The following ORC5 variants were observed in gnomAD, a reference collection of about 807,000 sequenced individuals.
ORC5 encodes origin recognition complex subunit 5.
ORC5 carries 39 observed loss-of-function variants against 58.8 expected under a neutral mutation model. That is an observed-to-expected ratio of 0.66 (90% CI 0.51 to 0.87). The LOEUF (loss-of-function observed/expected upper bound fraction) is 0.87. Among genes scored for constraint, ORC5 ranks in the 40% least tolerant of loss-of-function variants. The probability of loss-of-function intolerance (pLI) is 0.00; values close to 1 mark genes in which losing one functional copy is unlikely to be tolerated. For missense variants in ORC5, 493 were observed against 506.3 expected (o/e 0.97, Z 0.25); for synonymous variants, 218 against 177.6 (o/e 1.23, Z -1.81).
intron 13 of ORC5, among the ~76,000 whole-genome samples, chr7:104,131,713 G>A (rs971657049): frequency 3.3e-5 from 5 of 151,966 alleles, no homozygotes; most frequent in South Asian, 4.2e-4. Flanking sequence ...TTATTTGGGC[G>A]TTGTGGCACA....
intron 8 of ORC5, among the ~76,000 whole-genome samples, chr7:104,180,491 G>A (rs12705188): frequency 0.43 from 64,597 of 151,896 alleles, 16,065 homozygotes; most frequent in Non-Finnish European, 0.57. Flanking sequence ...TCATTTCACA[G>A]TGACCTGTGA....
chr7:104,136,801 G>A lies in ORC5; in HGVS notation c.1242C>T (p.Asp414=). ...TTTACCTTGCAATAGCTCTGATGAAGTCTAGAGACACTGTGCATTTGTATT... is the reference window on the plus strand; with the variant it reads ...TTTACCTTGCAATAGCTCTGATGAAATCTAGAGACACTGTGCATTTGTATT... ...GPKYKCTVSL[D]FIRAIARTVN... is the part of the protein sequence containing the mutation. Residue 414 remains aspartate (D), a synonymous_variant, in exon 13 of 14, where the codon GAC becomes GAT. Coordinates refer to ENST00000297431, the MANE Select transcript of ORC5 (RefSeq NM_002553.4). This position sits in a 1 kb window ranked among gnomAD's most constrained non-coding sequence, Gnocchi z 4.2. 1 of 1,611,870 alleles carries A rather than the reference G, an allele frequency of 6.2e-7. No individual in the cohort carries two copies. The highest frequency in any genetic ancestry group is 8.5e-7 in the Non-Finnish European group (1 of 1,177,972).
rs182306139 is a variant in ORC5 at position 104,205,182 on chromosome 7, C to T, written c.73-948G>A. Among the ~76,000 whole-genome samples the T allele has an allele frequency of 4.1e-3, 617 of 149,454 alleles. 26 individuals are homozygous for T. Among genetic ancestry groups the T allele is most frequent in the Admixed American group, 0.04 (602 of 14,930 alleles). ...TCGGCTCACTTCAACCTCTGCCTCC[C>T]GGGTTTAAGCGATTCTCCTGCCTCA... On this transcript the variant is annotated intron_variant, in intron 1 of 13. Coordinates refer to ENST00000297431, the MANE Select transcript of ORC5 (RefSeq NM_002553.4).
At chr7:104,177,820 T>G (rs983819698) in intron 8 of ORC5, among the ~76,000 whole-genome samples, 8 of 152,104 alleles carry the variant, frequency 5.3e-5, no homozygotes, top group African/African-American at 1.9e-4. Context: ...GAACATGCAG[T>G]GTTTGGTTTT....
chr7:104,182,725 G>C (rs890926976), intron 8 of ORC5, among the ~76,000 whole-genome samples: 9 of 152,138 alleles, frequency 5.9e-5, no homozygotes, highest in African/African-American at 2.2e-4. Flanking sequence ...TTATTCAGTA[G>C]GTTCCCTTTA....
chr7:104,149,381 G>A (rs1393669687), intron 12 of ORC5, among the ~76,000 whole-genome samples: 1 of 151,958 alleles, frequency 6.6e-6, no homozygotes, highest in Non-Finnish European at 1.5e-5. Context: ...AGATTTTAGG[G>A]GATTATATAC....
At chr7:104,205,032 T>TA (rs2116118167) in intron 1 of ORC5, among the ~76,000 whole-genome samples, 1 of 151,710 alleles carries the variant, frequency 6.6e-6, no homozygotes, top group South Asian at 2.1e-4. Context: ...TGGAGGAAAT[T>TA]ATAGTCTACA....
chr7:104,198,802 T>A (rs576040360), intron 3 of ORC5, among the ~76,000 whole-genome samples: 1 of 152,342 alleles, frequency 6.6e-6, no homozygotes, highest in East Asian at 1.9e-4. Flanking sequence ...GGTCTTCACG[T>A]GGCAGCCCAT....
chr7:104,201,822 T>C (rs1040248686), intron 2 of ORC5, among the ~76,000 whole-genome samples: 3 of 152,058 alleles, frequency 2.0e-5, no homozygotes, highest in African/African-American at 4.8e-5. Context: ...TTGCTAGGCA[T>C]ATGGCTCCTG....
chr7:104,141,417 A>C (rs1242151145), intron 12 of ORC5, among the ~76,000 whole-genome samples: 1 of 144,722 alleles, frequency 6.9e-6, no homozygotes, highest in Non-Finnish European at 1.5e-5. Context: ...GAAGAGAGAG[A>C]ACATAGTTTA....
At chr7:104,163,118 G>A (rs943174378) in intron 11 of ORC5, among the ~76,000 whole-genome samples, 1 of 152,016 alleles carries the variant, frequency 6.6e-6, no homozygotes, top group African/African-American at 2.4e-5. Flanking sequence ...ATTTCTCCTT[G>A]TGCACATGTG....
chr7:104,166,592 T>C (rs1799111554), intron 10 of ORC5, among the ~76,000 whole-genome samples, 180 bp downstream of exon 10: 1 of 152,218 alleles, frequency 6.6e-6, no homozygotes, highest in Non-Finnish European at 1.5e-5. Flanking sequence ...TGAAACTGCC[T>C]ACCTTTTCTC....
At chr7:104,157,454 G>C (rs1221192109) in intron 12 of ORC5, among the ~76,000 whole-genome samples, 1 of 151,958 alleles carries the variant, frequency 6.6e-6, no homozygotes, top group Non-Finnish European at 1.5e-5. Context: ...ATGTTAATTA[G>C]AAGAGATAAA....
At chr7:104,147,345 T>C (rs1185981287) in intron 12 of ORC5, among the ~76,000 whole-genome samples, 1 of 152,202 alleles carries the variant, frequency 6.6e-6, no homozygotes, top group African/African-American at 2.4e-5. Context: ...AGCAAAAGTA[T>C]TGCTATATAA....
intron 1 of ORC5, among the ~76,000 whole-genome samples, chr7:104,205,478 C>T (rs1185295191): frequency 6.6e-6 from 1 of 152,034 alleles, no homozygotes; most frequent in East Asian, 1.9e-4. Flanking sequence ...TAATTATCAT[C>T]GATTACAGCA....
intron 8 of ORC5, among the ~76,000 whole-genome samples, chr7:104,179,787 A>C (rs903548513): frequency 3.9e-5 from 6 of 152,186 alleles, no homozygotes; most frequent in Non-Finnish European, 8.8e-5. Flanking sequence ...CTTATATCTC[A>C]GAAGTTTAAT....
rs550505396 is a variant in ORC5 at position 104,137,398 on chromosome 7, G to A, written c.1150-505C>T. Among the ~76,000 whole-genome samples the A allele has an allele frequency of 5.9e-5, 9 of 152,190 alleles. No homozygotes were observed. The East Asian group carries it at 1.7e-3, about 29-fold the overall frequency. On this transcript the variant is annotated intron_variant, in intron 12 of 13. Coordinates refer to ENST00000297431, the MANE Select transcript of ORC5 (RefSeq NM_002553.4). ...CTCCCAAAGGGTCGGTGATACAGGA[G>A]GGGGGCAGGGAAGTGCTGGGCAGAG...
At chr7:104,195,832 T>C (rs1176488102) in intron 4 of ORC5, among the ~76,000 whole-genome samples, 1 of 152,202 alleles carries the variant, frequency 6.6e-6, no homozygotes, top group African/African-American at 2.4e-5. Context: ...AGTTTAAATA[T>C]ATTGAGAGGC....
intron 13 of ORC5, among the ~76,000 whole-genome samples, chr7:104,127,727 T>C (rs1584471924): frequency 6.6e-6 from 1 of 152,244 alleles, no homozygotes; most frequent in Admixed American, 6.5e-5. Context: ...AATGTTTTTG[T>C]CTATCATTTT....
Sources: gnomAD v4.1 joint callset for allele counts (sites outside exome capture counted in the v4.1 genomes callset) on GRCh38, gnomAD v4.1.1 for gene constraint, Gnocchi (gnomAD v3.1) non-coding constraint, MANE v1.5 for transcripts, NCBI Gene and HGNC (gene_info 2026-07-23, HGNC 2026-07-21) for gene names.